Variants in CNGB3 observed in about 807,000 individuals in gnomAD.
The protein encoded by CNGB3 is cyclic nucleotide gated channel subunit beta 3.
In CNGB3, 86 loss-of-function variants were observed where a neutral mutation model predicts 92.8. That is an observed-to-expected ratio of 0.93 (90% CI 0.78 to 1.11). The LOEUF (loss-of-function observed/expected upper bound fraction) is 1.11. Ranked by LOEUF, CNGB3 falls within the 50% of genes least tolerant of loss-of-function variation. CNGB3 has a pLI of 0.00. For missense variants in CNGB3, 1,026 were observed against 956.8 expected, an observed-to-expected ratio of 1.07 and a Z score of -0.95; for synonymous variants, 333 against 332.7, an observed-to-expected ratio of 1.00 and a Z score of -0.01.
chr8:86,656,053 T>C (rs906007698), intron 6 of CNGB3, among the ~76,000 whole-genome samples: 1 of 152,220 alleles, frequency 6.6e-6, no homozygotes, highest in Non-Finnish European at 1.5e-5. Flanking sequence ...TTGGCTATAA[T>C]TTTTACTCAT....
intron 6 of CNGB3, 100 bp downstream of exon 6, chr8:86,666,825 A>C: frequency 8.6e-6 from 8 of 925,168 alleles, no homozygotes; most frequent in Non-Finnish European, 1.4e-5. Context: ...ATCCATGCAG[A>C]TAGCCAGTCA....
chr8:86,728,620 G>C (rs1255468239), intron 2 of CNGB3, among the ~76,000 whole-genome samples: 1 of 152,112 alleles, frequency 6.6e-6, no homozygotes, highest in Non-Finnish European at 1.5e-5. Context: ...ATTCTTAATT[G>C]CTGGCCATGG....
chr8:86,600,758 C>A (rs1366347582), intron 15 of CNGB3, among the ~76,000 whole-genome samples: 1 of 145,704 alleles, frequency 6.9e-6, no homozygotes, highest in African/African-American at 2.5e-5. Context: ...TACAGGTGCC[C>A]ACCACCACGC....
At chr8:86,699,778 T>G (rs1824517905) in intron 3 of CNGB3, among the ~76,000 whole-genome samples, 1 of 152,234 alleles carries the variant, frequency 6.6e-6, no homozygotes, top group Non-Finnish European at 1.5e-5. Flanking sequence ...AAGTATGGTA[T>G]TTGAAAAATG....
At chr8:86,662,133 G>A (rs1459554416) in intron 6 of CNGB3, among the ~76,000 whole-genome samples, 5 of 152,208 alleles carry the variant, frequency 3.3e-5, no homozygotes, top group Non-Finnish European at 7.3e-5. Flanking sequence ...TTGTGAGCCT[G>A]CGCCAAGCCG....
At chr8:86,672,279 A>G (rs1474706844) in intron 3 of CNGB3, among the ~76,000 whole-genome samples, 3 of 152,092 alleles carry the variant, frequency 2.0e-5, no homozygotes, top group Non-Finnish European at 2.9e-5. Context: ...TTGTAGTTTT[A>G]GTAGAGACTG....
At chr8:86,615,631 GA>G (rs1247836647) in intron 13 of CNGB3, among the ~76,000 whole-genome samples, 2 of 151,752 alleles carry the variant, frequency 1.3e-5, no homozygotes, top group Admixed American at 6.6e-5. Flanking sequence ...ACTAAAAAAT[GA>G]AAATAAAGAT....
chr8:86,643,205 G>T (rs1465241606), intron 10 of CNGB3, among the ~76,000 whole-genome samples: 1 of 151,144 alleles, frequency 6.6e-6, no homozygotes, highest in Admixed American at 6.6e-5. Flanking sequence ...TACTAAAGAG[G>T]TTTTTCAGCT....
chr8:86,674,791 T>C (rs975340656), intron 3 of CNGB3, among the ~76,000 whole-genome samples: 11 of 152,188 alleles, frequency 7.2e-5, no homozygotes, highest in Middle Eastern at 3.4e-3. Context: ...CTTGCTCTGC[T>C]GCCCAGGCTG....
chr8:86,590,772 A>AT (rs1368044570), intron 15 of CNGB3, among the ~76,000 whole-genome samples: 2 of 142,676 alleles, frequency 1.4e-5, no homozygotes, highest in Non-Finnish European at 3.0e-5. Context: ...TGCCCTTAAC[A>AT]TTTTCTCCTT....
chr8:86,690,086 G>A (rs1222395937), intron 3 of CNGB3, among the ~76,000 whole-genome samples: 4 of 152,272 alleles, frequency 2.6e-5, no homozygotes, highest in Non-Finnish European at 5.9e-5. Flanking sequence ...CCAGTAATGG[G>A]ATGGCTGGGT....
chr8:86,637,142 G>T (rs576842965), intron 10 of CNGB3, among the ~76,000 whole-genome samples: 1 of 152,312 alleles, frequency 6.6e-6, no homozygotes, highest in Non-Finnish European at 1.5e-5. Flanking sequence ...AAGTGGCATT[G>T]CTGGGTCATA....
chr8:86,695,529 G>T (rs1824433676), intron 3 of CNGB3, among the ~76,000 whole-genome samples: 1 of 151,826 alleles, frequency 6.6e-6, no homozygotes, highest in African/African-American at 2.4e-5. Context: ...TTTTCTTTAC[G>T]ATATCTATCT....
chr8:86,580,968 C>A (rs1303002648), intron 15 of CNGB3, among the ~76,000 whole-genome samples: 1 of 152,112 alleles, frequency 6.6e-6, no homozygotes, highest in East Asian at 1.9e-4. Context: ...GGGCCCTGTG[C>A]CTGAAGATTT....
chr8:86,609,485 C>T (rs1822478568), intron 14 of CNGB3, among the ~76,000 whole-genome samples: 3 of 152,210 alleles, frequency 2.0e-5, no homozygotes, highest in African/African-American at 7.2e-5. Context: ...TCTCTGAAAG[C>T]TCATTCTCAG....
At chr8:86,657,340 C>T (rs1256262342) in intron 6 of CNGB3, 3 of 424,876 alleles carry the variant, frequency 7.1e-6, no homozygotes, top group Non-Finnish European at 1.4e-5. Flanking sequence ...GATGGAGCCT[C>T]TGGCCCCACT....
At chr8:86,729,696 CT>C (rs1825126696) in intron 2 of CNGB3, among the ~76,000 whole-genome samples, 1 of 152,212 alleles carries the variant, frequency 6.6e-6, no homozygotes. Flanking sequence ...GTGTGGGTGT[CT>C]TTTTATCCAT....
intron 6 of CNGB3, chr8:86,662,042 C>T (rs1823650758): frequency 3.2e-6 from 1 of 311,716 alleles, no homozygotes; most frequent in Non-Finnish European, 5.9e-6. Context: ...AGGTGCAGGG[C>T]TGCGAGGGTG....
At chr8:86,741,665 C>CAAA (rs1465517967) in intron 1 of CNGB3, among the ~76,000 whole-genome samples, 1 of 144,310 alleles carries the variant, frequency 6.9e-6, no homozygotes, top group East Asian at 2.0e-4. Flanking sequence ...GACTCTGTCT[C>CAAA]AAAAAAAACA....
Sources: allele counts gnomAD v4.1 joint callset (sites outside exome capture counted in the v4.1 genomes callset), GRCh38; gene constraint gnomAD v4.1.1; transcripts MANE v1.5; gene names NCBI Gene and HGNC (gene_info 2026-07-23, HGNC 2026-07-21).